Variants in MARCHF1 observed in about 807,000 individuals in gnomAD.
The protein encoded by MARCHF1 is membrane associated ring-CH-type finger 1.
MARCHF1 carries 40 observed loss-of-function variants against 54.2 expected under a neutral mutation model. That is an observed-to-expected ratio of 0.74 (90% CI 0.57 to 0.96). The LOEUF (loss-of-function observed/expected upper bound fraction) is 0.96. MARCHF1 is among the 40% of genes least tolerant of loss of function. The pLI, the probability that MARCHF1 is intolerant of heterozygous loss-of-function variation, is 0.00. For missense variants in MARCHF1, 586 were observed against 656.5 expected (o/e 0.89, Z 1.17); for synonymous variants, 236 against 236.3 (o/e 1.00, Z 0.01).
intron 2 of MARCHF1, among the ~76,000 whole-genome samples, chr4:164,029,615 G>T (rs1488860893): frequency 2.0e-5 from 3 of 151,600 alleles, no homozygotes; most frequent in African/African-American, 7.3e-5. Flanking sequence ...TTCTTTTTGA[G>T]ATGCAGTCTT....
At chr4:163,879,669 A>G (rs1367411842) in intron 3 of MARCHF1, among the ~76,000 whole-genome samples, 1 of 150,642 alleles carries the variant, frequency 6.6e-6, no homozygotes, top group East Asian at 2.0e-4. Flanking sequence ...TTACTAGGAA[A>G]GTGGACTATG....
At chr4:163,633,076 C>T (rs1351465519) in intron 5 of MARCHF1, among the ~76,000 whole-genome samples, 3 of 151,222 alleles carry the variant, frequency 2.0e-5, no homozygotes, top group Non-Finnish European at 2.9e-5. Flanking sequence ...GAAAGGACAT[C>T]CACACCAAAA....
intron 3 of MARCHF1, among the ~76,000 whole-genome samples, chr4:163,895,315 G>T (rs1750782216): frequency 6.6e-6 from 1 of 152,086 alleles, no homozygotes; most frequent in Non-Finnish European, 1.5e-5. Context: ...TCTTCAAAAT[G>T]CCAATTAAAC....
At chr4:164,351,070 C>A (rs952036562) in intron 1 of MARCHF1, among the ~76,000 whole-genome samples, 2 of 152,176 alleles carry the variant, frequency 1.3e-5, no homozygotes, top group Non-Finnish European at 2.9e-5. Flanking sequence ...TAAAAAACGG[C>A]GCACCACAAG....
intron 5 of MARCHF1, among the ~76,000 whole-genome samples, chr4:163,631,421 GAC>G (rs1742077053): frequency 6.6e-6 from 1 of 152,160 alleles, no homozygotes; most frequent in African/African-American, 2.4e-5. Flanking sequence ...TTGAATTCCT[GAC>G]TTCAGGTGAT....
At chr4:163,561,236 T>G (rs1739457170) in intron 8 of MARCHF1, among the ~76,000 whole-genome samples, 1 of 152,170 alleles carries the variant, frequency 6.6e-6, no homozygotes, top group Non-Finnish European at 1.5e-5. Context: ...AACTTTTGTT[T>G]GCTTGGATGT....
intron 1 of MARCHF1, among the ~76,000 whole-genome samples, chr4:164,282,998 T>C (rs1223324179): frequency 1.3e-5 from 2 of 151,126 alleles, no homozygotes; most frequent in African/African-American, 4.9e-5. Flanking sequence ...GGTAAACTTG[T>C]TTCCCTTTTT....
intron 1 of MARCHF1, among the ~76,000 whole-genome samples, chr4:164,373,299 T>C (rs1731088786): frequency 6.6e-6 from 1 of 151,948 alleles, no homozygotes. Context: ...TTGTCTCTCA[T>C]TCTTCCTGCA....
At chr4:164,277,433 C>T (rs1396507829) in intron 1 of MARCHF1, among the ~76,000 whole-genome samples, 3 of 152,232 alleles carry the variant, frequency 2.0e-5, no homozygotes, top group African/African-American at 7.2e-5. Flanking sequence ...TTCTACTTCT[C>T]CAGCCTCTTT....
At chr4:164,374,471 T>C (rs1366341908) in intron 1 of MARCHF1, among the ~76,000 whole-genome samples, 1 of 152,146 alleles carries the variant, frequency 6.6e-6, no homozygotes, top group African/African-American at 2.4e-5. Context: ...CTGGGTAATG[T>C]ATGTTTCAAA....
chr4:164,289,141 A>G (rs1734223038), intron 1 of MARCHF1, among the ~76,000 whole-genome samples: 1 of 151,994 alleles, frequency 6.6e-6, no homozygotes, highest in South Asian at 2.1e-4. Context: ...AGTTTACCAT[A>G]TATATTTTCT....
intron 1 of MARCHF1, among the ~76,000 whole-genome samples, chr4:164,191,348 A>C (rs1242378373): frequency 6.6e-6 from 1 of 152,232 alleles, no homozygotes; most frequent in Non-Finnish European, 1.5e-5. Context: ...TATCTGTTAG[A>C]ATACATATTA....
chr4:163,679,116 C>A (rs1312534683), intron 5 of MARCHF1, among the ~76,000 whole-genome samples: 2 of 152,150 alleles, frequency 1.3e-5, no homozygotes, highest in Non-Finnish European at 2.9e-5. Flanking sequence ...TCAAAACATC[C>A]AAATCCGTTG....
Position 164,247,943 on chromosome 4 carries a change from A to C in MARCHF1, c.-323+135927T>G, listed in dbSNP as rs55790319. 5.4e-3 allele frequency among the ~76,000 whole-genome samples: 822 copies of C among 151,378 alleles called. 10 individuals are homozygous for C. The highest frequency in any genetic ancestry group is 0.019 in the African/African-American group (796 of 41,194). ...CATTGCTTAAGAGCTTGGGAATGTGAGATGTTTTTACAGCCACATTGGAAA... is the reference window on the plus strand; with the variant it reads ...CATTGCTTAAGAGCTTGGGAATGTGCGATGTTTTTACAGCCACATTGGAAA... On this transcript the variant is annotated intron_variant, in intron 1 of 9. Coordinates refer to ENST00000514618, the MANE Select transcript of MARCHF1 (RefSeq NM_001394959.1).
intron 3 of MARCHF1, among the ~76,000 whole-genome samples, chr4:163,972,199 G>T (rs866299524): frequency 2.6e-5 from 4 of 152,088 alleles, no homozygotes; most frequent in South Asian, 2.1e-4. Flanking sequence ...AGCCTATCAG[G>T]GGGTGGGGAG....
intron 3 of MARCHF1, among the ~76,000 whole-genome samples, chr4:163,945,542 T>C (rs989681964): frequency 6.6e-6 from 1 of 152,206 alleles, no homozygotes; most frequent in Non-Finnish European, 1.5e-5. Context: ...TTCTGAATTA[T>C]TGAACTCAGT....
chr4:164,114,468 C>T (rs1311372741), intron 1 of MARCHF1, among the ~76,000 whole-genome samples: 3 of 151,574 alleles, frequency 2.0e-5, no homozygotes, highest in Non-Finnish European at 4.4e-5. Context: ...TTAATGAAGG[C>T]TTAACGATTT....
chr4:164,350,932 G>T (rs1031365661), intron 1 of MARCHF1, among the ~76,000 whole-genome samples: 1 of 152,040 alleles, frequency 6.6e-6, no homozygotes, highest in African/African-American at 2.4e-5. Flanking sequence ...GAAGCAGGGC[G>T]AGGCATTGCC....
At chr4:163,728,080 T>C (rs1392447261) in intron 4 of MARCHF1, among the ~76,000 whole-genome samples, 2 of 152,052 alleles carry the variant, frequency 1.3e-5, no homozygotes, top group Non-Finnish European at 2.9e-5. Flanking sequence ...TTGATTTATT[T>C]GCCTACATTT....
Sources: allele counts gnomAD v4.1 joint callset (sites outside exome capture counted in the v4.1 genomes callset), GRCh38; gene constraint gnomAD v4.1.1; transcripts MANE v1.5; gene names NCBI Gene and HGNC (gene_info 2026-07-23, HGNC 2026-07-21).